NXPE2: variants seen among roughly 807,000 people sequenced by gnomAD.
The protein encoded by NXPE2 is NXPE family member 2.
A neutral mutation model predicts 34.4 loss-of-function variants in NXPE2; 34 were observed. That is an observed-to-expected ratio of 0.99 (90% CI 0.75 to 1.31). The LOEUF (loss-of-function observed/expected upper bound fraction) is 1.31, where lower values mean the gene tolerates loss of function less well. NXPE2 is among the 40% of genes most tolerant of loss of function. The pLI is 0.00. For missense variants in NXPE2, 649 were observed against 672.5 expected (o/e 0.97, Z 0.39); for synonymous variants, 235 against 231.3 (o/e 1.02, Z -0.15).
chr11:114,540,066 C>A, the NXPE2 span, among the ~76,000 whole-genome samples: 8 of 152,212 alleles, frequency 5.3e-5, no homozygotes, highest in African/African-American at 1.7e-4. Context: ...AGCGATTCTC[C>A]TGCCTCAGCC....
At chr11:114,675,004 A>AAATCTAT (rs1466063765), upstream of NXPE2, among the ~76,000 whole-genome samples, 4 of 151,870 alleles carry the variant, frequency 2.6e-5, no homozygotes, top group African/African-American at 9.7e-5. Flanking sequence ...CAACATACAC[A>AAATCTAT]AATCTATACA....
chr11:114,542,058 C>T, the NXPE2 span, among the ~76,000 whole-genome samples: 1 of 152,064 alleles, frequency 6.6e-6, no homozygotes, highest in Non-Finnish European at 1.5e-5. Flanking sequence ...CTGACTGTTC[C>T]CACTTTTGTA....
At chr11:114,613,586 G>C in the NXPE2 span, among the ~76,000 whole-genome samples, 26 of 151,924 alleles carry the variant, frequency 1.7e-4, no homozygotes, top group South Asian at 4.4e-3. Flanking sequence ...ACTGTTACCT[G>C]GTGGATAATA....
At chr11:114,583,511 C>G in the NXPE2 span, 4 of 616,954 alleles carry the variant, frequency 6.5e-6, no homozygotes, top group South Asian at 4.2e-5. Context: ...CGTGTCTGAG[C>G]ACAGCAAGCG....
intron 2 of NXPE2, among the ~76,000 whole-genome samples, chr11:114,697,029 T>C (rs1210718006): frequency 1.3e-5 from 2 of 152,192 alleles, no homozygotes; most frequent in Non-Finnish European, 1.5e-5. Context: ...AAAAGTTATA[T>C]AAATATGGCT....
At chr11:114,575,708 A>T in the NXPE2 span, among the ~76,000 whole-genome samples, 2 of 152,220 alleles carry the variant, frequency 1.3e-5, no homozygotes, top group Non-Finnish European at 2.9e-5. Flanking sequence ...AGATGACATG[A>T]ATAAATGGAA....
At chr11:114,746,883 CAA>C in the NXPE2 span, among the ~76,000 whole-genome samples, 229 of 126,606 alleles carry the variant, frequency 1.8e-3, no homozygotes, top group Admixed American at 9.6e-3. Context: ...AAGCCAAAAC[CAA>C]AAAAAAAAAA....
the NXPE2 span, among the ~76,000 whole-genome samples, chr11:114,610,582 T>C: frequency 9.4e-6 from 1 of 106,706 alleles, no homozygotes; most frequent in African/African-American, 3.0e-5. Context: ...CGGTGGATAA[T>C]AGGTATTGCC....
chr11:114,582,316 T>A, the NXPE2 span: 1 of 1,587,432 alleles, frequency 6.3e-7, no homozygotes, highest in Non-Finnish European at 8.6e-7. Context: ...TCTTGTTTGC[T>A]AAGATAAGAA....
chr11:114,501,183 T>G, the NXPE2 span, among the ~76,000 whole-genome samples: 16 of 152,226 alleles, frequency 1.1e-4, no homozygotes, highest in Non-Finnish European at 1.5e-5. Flanking sequence ...TGGGGAGTTT[T>G]TTTAAAACAA....
At chr11:114,758,043 T>G in the NXPE2 span, among the ~76,000 whole-genome samples, 1 of 152,238 alleles carries the variant, frequency 6.6e-6, no homozygotes, top group Non-Finnish European at 1.5e-5. Context: ...GAATTGACTA[T>G]TTTAATAGCC....
chr11:114,476,665 G>A, the NXPE2 span, among the ~76,000 whole-genome samples: 1 of 152,212 alleles, frequency 6.6e-6, no homozygotes, highest in African/African-American at 2.4e-5. Context: ...AAAGCAAAAG[G>A]GGAAGAGCCC....
At chr11:114,744,806 A>C in the NXPE2 span, among the ~76,000 whole-genome samples, 1 of 152,192 alleles carries the variant, frequency 6.6e-6, no homozygotes, top group Non-Finnish European at 1.5e-5. Flanking sequence ...CTGTCTCAGA[A>C]AAAAAGAAAG....
At chr11:114,573,542 C>A in the NXPE2 span, among the ~76,000 whole-genome samples, 1 of 151,858 alleles carries the variant, frequency 6.6e-6, no homozygotes, top group African/African-American at 2.4e-5. Flanking sequence ...TGCAAATGGG[C>A]ACCAAAAGCA....
the NXPE2 span, among the ~76,000 whole-genome samples, chr11:114,633,471 G>T: frequency 0.02 from 2,922 of 144,010 alleles, 58 homozygotes; most frequent in Non-Finnish European, 0.033. Flanking sequence ...TTTTATTTTA[G>T]TATTATTATA....
At chr11:114,778,764 C>T in the NXPE2 span, among the ~76,000 whole-genome samples, 1 of 152,196 alleles carries the variant, frequency 6.6e-6, no homozygotes, top group African/African-American at 2.4e-5. Flanking sequence ...TCTCCCAAAC[C>T]ACTTCCTGCA....
the NXPE2 span, among the ~76,000 whole-genome samples, chr11:114,621,644 T>TG: frequency 6.6e-6 from 1 of 152,298 alleles, no homozygotes; most frequent in African/African-American, 2.4e-5. Flanking sequence ...TATTGCCTTG[T>TG]GGGTTACCAC....
the NXPE2 span, among the ~76,000 whole-genome samples, chr11:114,754,091 A>C: frequency 6.6e-6 from 1 of 152,192 alleles, no homozygotes; most frequent in Non-Finnish European, 1.5e-5. Flanking sequence ...TGATTATGGT[A>C]CTCAAACAAG....
At chr11:114,538,898 T>A in the NXPE2 span, among the ~76,000 whole-genome samples, 5 of 152,218 alleles carry the variant, frequency 3.3e-5, no homozygotes, top group Non-Finnish European at 7.4e-5. Context: ...GATCTAGAAC[T>A]AGAAATACCA....
Sources: gnomAD v4.1 joint callset for allele counts (sites outside exome capture counted in the v4.1 genomes callset) on GRCh38, gnomAD v4.1.1 for gene constraint, MANE v1.5 for transcripts, NCBI Gene and HGNC (gene_info 2026-07-23, HGNC 2026-07-21) for gene names.